ANK3: variants seen among roughly 807,000 people sequenced by gnomAD.
ANK3 encodes the protein ankyrin 3.
A neutral mutation model predicts 370.9 loss-of-function variants in ANK3; 57 were observed. That is an observed-to-expected ratio of 0.15 (90% CI 0.12 to 0.19). The LOEUF is 0.19. ANK3 is among the 10% of genes least tolerant of loss of function. The pLI, the probability that ANK3 is intolerant of heterozygous loss-of-function variation, is 1.00. For missense variants in ANK3, 4,439 were observed against 5,302.1 expected (o/e 0.84, Z 5.06); for synonymous variants, 1,929 against 1,946.3 (o/e 0.99, Z 0.23).
chr10:60,220,716 G>C (rs2097033461), intron 8 of ANK3, among the ~76,000 whole-genome samples: 1 of 152,110 alleles, frequency 6.6e-6, no homozygotes, highest in Admixed American at 6.5e-5. Context: ...GTTGACTGAT[G>C]TCTTGTGTCT....
intron 2 of ANK3, among the ~76,000 whole-genome samples, chr10:60,552,884 A>C (rs1435077671): frequency 6.6e-6 from 1 of 152,088 alleles, no homozygotes; most frequent in Non-Finnish European, 1.5e-5. Context: ...GGGTCTCATG[A>C]GATCTGAAGG....
At chr10:60,694,027 G>C (rs1324967434) in intron 1 of ANK3, among the ~76,000 whole-genome samples, 1 of 152,032 alleles carries the variant, frequency 6.6e-6, no homozygotes, top group Non-Finnish European at 1.5e-5. Context: ...TGTACAACTA[G>C]AATAACCAAT....
chr10:60,430,839 T>C (rs1377542269), intron 2 of ANK3, among the ~76,000 whole-genome samples: 5 of 152,206 alleles, frequency 3.3e-5, no homozygotes, highest in African/African-American at 1.2e-4. Context: ...CTTACTCTAC[T>C]ATCTCTTAGC....
At chr10:60,096,785 T>G (rs1158702498) in intron 28 of ANK3, among the ~76,000 whole-genome samples, 1 of 152,206 alleles carries the variant, frequency 6.6e-6, no homozygotes, top group Non-Finnish European at 1.5e-5. Flanking sequence ...TATTCATTAC[T>G]TTTATATGGT....
intron 1 of ANK3, among the ~76,000 whole-genome samples, chr10:60,648,861 C>A (rs1361271679): frequency 5.0e-5 from 4 of 80,222 alleles, no homozygotes; most frequent in African/African-American, 1.6e-4. Context: ...TTCCAAGCTG[C>A]TTCTGCTCCT....
At position 60,073,872 on chromosome 10, in the gene ANK3, C is replaced by T. The variant is rs747814527; in HGVS notation, c.7009G>A (p.Gly2337Ser). The T allele has an allele frequency of 6.2e-7, 1 of 1,613,692 alleles. No homozygotes were observed. Among genetic ancestry groups the T allele is most frequent in the Non-Finnish European group, 8.5e-7 (1 of 1,179,992 alleles). Residue 2337 changes from glycine (G) to serine (S), a missense_variant, in exon 37 of 44, where the codon GGT (glycine) becomes AGT (serine). By Grantham distance (56) the Gly-to-Ser change is moderately conservative. This residue lies in a region of ANK3 where 1,601 missense variants were observed against 1,731.7 expected (regional missense o/e 0.92). Transcript: ENST00000280772. ...ERIIEVHIEK[G>S]NQAEPTEVII... ...ACTTCAGTGGGCTCAGCTTGGTTAC[C>T]TTTTTCGATGTGGACTTCTATTATA...
intron 1 of ANK3, among the ~76,000 whole-genome samples, chr10:60,383,671 T>C (rs1379410106): frequency 6.6e-6 from 1 of 152,062 alleles, no homozygotes; most frequent in East Asian, 1.9e-4. Context: ...TAATTGACCA[T>C]GCTCCCTGGA....
chr10:60,105,597 T>A (rs1302484420), intron 28 of ANK3, among the ~76,000 whole-genome samples: 1 of 152,202 alleles, frequency 6.6e-6, no homozygotes, highest in African/African-American at 2.4e-5. Flanking sequence ...ATACTTTCCA[T>A]TATTATTTCA....
chr10:60,684,571 A>T, intron 1 of ANK3: 1 of 1,587,152 alleles, frequency 6.3e-7, no homozygotes, highest in South Asian at 1.1e-5. Context: ...ATCCTTCCAC[A>T]TTGTTATGCT....
upstream of ANK3, among the ~76,000 whole-genome samples, chr10:60,391,040 T>A (rs935251149): frequency 6.6e-6 from 1 of 152,158 alleles, no homozygotes; most frequent in Non-Finnish European, 1.5e-5. Flanking sequence ...TTACTCACCA[T>A]ACTTCTAGAT....
chr10:60,102,293 C>T (rs76854300), intron 28 of ANK3, among the ~76,000 whole-genome samples: 1,913 of 151,944 alleles, frequency 0.013, 27 homozygotes, highest in African/African-American at 0.042. Flanking sequence ...TGCTCTCCTG[C>T]ACAACTTACA....
In ANK3 at chr10:60,075,743, A is replaced by G; in HGVS notation, c.5138T>C (p.Val1713Ala). ...PVKQMPGHAE[V>A]ALVNGSISPL... ...GGAAATAGATCCATTGACTAATGCT[A>G]CCTCTGCATGTCCAGGCATCTGCTT... The change falls in exon 37 of 44, where the codon GTA becomes GCA. Residue 1713 changes from valine to alanine, a missense_variant. Val to Ala is a moderately conservative substitution (Grantham distance 64). This residue lies in a region of ANK3 where 679 missense variants were observed against 791.0 expected (regional missense o/e 0.86). Coordinates refer to ENST00000280772, the MANE Select transcript of ANK3 (RefSeq NM_020987.5). The G allele has an allele frequency of 1.9e-6, 3 of 1,614,130 alleles. No individual in the cohort carries two copies. Among genetic ancestry groups the G allele is most frequent in the Non-Finnish European group, 2.5e-6 (3 of 1,180,006 alleles).
Position 60,207,944 on chromosome 10 carries a change from T to C in ANK3, c.1194+92A>G, listed in dbSNP as rs143344904. On this transcript the variant is annotated intron_variant, in intron 10 of 43. Coordinates refer to ENST00000280772, the MANE Select transcript of ANK3 (RefSeq NM_020987.5). ...AGTACACTTTAACTAGCACCTTCTA[T>C]TTTAACCTCCTCAAAGCATTCCCTT... The C allele has an allele frequency of 2.1e-4, 236 of 1,147,598 alleles. No individual in the cohort carries two copies. In the Middle Eastern group the frequency reaches 2.6e-3, roughly 13 times the overall value. 71.1% of individuals were successfully genotyped at this position (1,147,598 alleles called of 1,614,324 possible). A position where few individuals can be genotyped will look rare whatever the true frequency, so the allele number is the denominator to read the frequency against.
At chr10:60,450,437 C>T (rs1033597264) in intron 2 of ANK3, among the ~76,000 whole-genome samples, 3 of 152,140 alleles carry the variant, frequency 2.0e-5, no homozygotes, top group African/African-American at 7.2e-5. Context: ...TCAGCTCTTT[C>T]TAGACAGTAT....
chr10:60,208,247 A>C lies in ANK3; in HGVS notation c.997-14T>G, dbSNP rs201296789. The C allele has an allele frequency of 2.5e-5, 41 of 1,611,148 alleles. No individual in the cohort carries two copies. The highest frequency in any genetic ancestry group is 3.2e-5 in the Non-Finnish European group (38 of 1,177,446). ...AGATAATCCATTCTGGAACACATAA[A>C]GAAATCAGAGTTCATTCTTTTACCT... On this transcript the variant is annotated splice_polypyrimidine_tract_variant and intron_variant, in intron 9 of 43. Coordinates refer to ENST00000280772, the MANE Select transcript of ANK3 (RefSeq NM_020987.5).
At chr10:60,262,272 A>G (rs1360668648) in intron 6 of ANK3, among the ~76,000 whole-genome samples, 1 of 152,242 alleles carries the variant, frequency 6.6e-6, no homozygotes, top group African/African-American at 2.4e-5. Flanking sequence ...TATAGCTGAT[A>G]GCTTGATTAG....
At chr10:60,699,873 C>G (rs1417176321) in intron 1 of ANK3, among the ~76,000 whole-genome samples, 1 of 152,064 alleles carries the variant, frequency 6.6e-6, no homozygotes, top group Non-Finnish European at 1.5e-5. Flanking sequence ...AACAGGAAAT[C>G]ACATCATCAA....
intron 1 of ANK3, among the ~76,000 whole-genome samples, chr10:60,380,702 C>A (rs540265622): frequency 1.3e-5 from 2 of 152,174 alleles, no homozygotes; most frequent in South Asian, 2.1e-4. Context: ...ACTGGGTAGA[C>A]CTTCCTGCAA....
chr10:60,380,908 T>C (rs537495715), intron 1 of ANK3, among the ~76,000 whole-genome samples: 118 of 152,110 alleles, frequency 7.8e-4, no homozygotes, highest in Non-Finnish European at 1.5e-3. Flanking sequence ...TTTTAGAGGC[T>C]CTTGCAAGTA....
Sources: gnomAD v4.1 joint callset for allele counts (sites outside exome capture counted in the v4.1 genomes callset) on GRCh38, gnomAD v4.1.1 for gene constraint, gnomAD v4.1.1 regional missense constraint, MANE v1.5 for transcripts, NCBI Gene and HGNC (gene_info 2026-07-23, HGNC 2026-07-21) for gene names.